The following WDPCP variants were observed in gnomAD, a reference collection of about 807,000 sequenced individuals.
The protein encoded by WDPCP is WD repeat containing planar cell polarity effector, also known as WD repeat-containing and planar cell polarity effector protein fritz homolog.
Under a neutral mutation model 93.1 loss-of-function variants are expected in WDPCP, and 71 were observed. That is an observed-to-expected ratio of 0.76 (90% CI 0.63 to 0.93). The LOEUF is 0.93. Among genes scored for constraint, WDPCP ranks in the 40% least tolerant of loss-of-function variants. WDPCP has a pLI of 0.00. For synonymous variants in WDPCP, 315 were observed against 315.0 expected (o/e 1.00, Z 0.00); for missense variants, 844 against 887.4 (o/e 0.95, Z 0.62).
chr2:63,369,092 G>GA (rs952103590), intron 12 of WDPCP: 1,453 of 184,872 alleles, frequency 7.9e-3, no homozygotes, highest in East Asian at 0.017. Context: ...CTACATAGTA[G>GA]AAAAAAAAAA....
In WDPCP at chr2:63,646,152, T is replaced by C. The variant is rs530156713; in HGVS notation, n.488+4507A>G. Among the ~76,000 whole-genome samples the C allele has an allele frequency of 9.2e-5, 14 of 152,310 alleles. No homozygotes were observed. The South Asian group carries it at 2.9e-3, about 32-fold the overall frequency. On this transcript the variant is annotated intron_variant and non_coding_transcript_variant, in intron 3 of 4. Transcript: ENST00000467687. ...ATATGATCTAGTTTCTTGCTTTTTA[T>C]ATTTTGTGTATTCATTGTATGGTTT...
intron 3 of WDPCP, chr2:63,594,446 A>G: frequency 1.5e-6 from 2 of 1,290,696 alleles, no homozygotes; most frequent in Non-Finnish European, 2.3e-6. Context: ...TTTTTAAGGT[A>G]CAGTAGTACT....
At chr2:63,609,971 T>C (rs1709598338) in intron 3 of WDPCP, among the ~76,000 whole-genome samples, 1 of 152,216 alleles carries the variant, frequency 6.6e-6, no homozygotes, top group Admixed American at 6.5e-5. Flanking sequence ...TTTCACCAAC[T>C]TTGCCTTTGA....
intron 9 of WDPCP, among the ~76,000 whole-genome samples, chr2:63,410,766 T>G (rs901843374): frequency 1.5e-4 from 23 of 152,032 alleles, no homozygotes; most frequent in South Asian, 8.3e-4. Context: ...AAAATAAACT[T>G]TAAAGCAACA....
chr2:63,556,857 C>A (rs2106387678), intron 1 of WDPCP, among the ~76,000 whole-genome samples: 1 of 152,236 alleles, frequency 6.6e-6, no homozygotes, highest in East Asian at 1.9e-4. Flanking sequence ...GATTGGGGGC[C>A]AATATTCAAC....
chr2:63,548,732 C>T (rs542240210), intron 1 of WDPCP, among the ~76,000 whole-genome samples: 1 of 151,634 alleles, frequency 6.6e-6, no homozygotes, highest in Admixed American at 6.6e-5. Flanking sequence ...TGGCCTCAAG[C>T]GATCTTCCAG....
At chr2:63,370,065 A>G (rs561252036) in intron 12 of WDPCP, among the ~76,000 whole-genome samples, 147 of 152,286 alleles carry the variant, frequency 9.7e-4, no homozygotes, top group African/African-American at 3.5e-3. Flanking sequence ...TGTTCATATA[A>G]TGACCATCGA....
chr2:63,626,030 G>A (rs1082363), intron 3 of WDPCP, among the ~76,000 whole-genome samples: 120,217 of 152,056 alleles, frequency 0.79, 47,981 homozygotes, highest in East Asian at 0.98. Flanking sequence ...TAGAAATAAG[G>A]CCATACATCT....
chr2:63,655,752 T>C (rs955207301), intron 2 of WDPCP, among the ~76,000 whole-genome samples: 1 of 152,210 alleles, frequency 6.6e-6, no homozygotes, highest in African/African-American at 2.4e-5. Flanking sequence ...ATACTATATA[T>C]GCTGTTCTAA....
Position 63,599,163 on chromosome 2 carries a change from C to G in WDPCP, n.488+51496G>C, listed in dbSNP as rs1250567976. 3.1e-6 allele frequency: 5 copies of G among 1,612,798 alleles called. No homozygotes were observed. The African/African-American group carries it at 5.3e-5, about 17-fold the overall frequency. On this transcript the variant is annotated intron_variant and non_coding_transcript_variant, in intron 3 of 4. Coordinates refer to the WDPCP transcript ENST00000467687. Reference sequence around the variant, plus strand: ...TGTAACTCTTCAGTGCCTTCCATTCCTCCTAGGTTATTGTTGTGGGTAATC... The same window carrying G: ...TGTAACTCTTCAGTGCCTTCCATTCGTCCTAGGTTATTGTTGTGGGTAATC...
At chr2:63,764,978 G>C (rs1670116025) in intron 2 of WDPCP, among the ~76,000 whole-genome samples, 1 of 152,174 alleles carries the variant, frequency 6.6e-6, no homozygotes, top group Non-Finnish European at 1.5e-5. Flanking sequence ...CCTAAACTAG[G>C]CTAAGGTAGC....
In WDPCP at chr2:63,438,084, AAATT is replaced by A. The variant is rs899132975; in HGVS notation, c.500-534_500-531del. ...ATTATGACCAATATGTACATTACATAAATTAATATCTAATAATGAAAATTAGCAC... is the reference window on the plus strand; with the variant it reads ...ATTATGACCAATATGTACATTACATAAATATCTAATAATGAAAATTAGCAC... On this transcript the variant is annotated intron_variant, in intron 7 of 17. Transcript: ENST00000272321. The A allele has an allele frequency of 4.8e-5, 50 of 1,049,796 alleles. No individual in the cohort carries two copies. In the African/African-American group the frequency reaches 6.6e-4, roughly 14 times the overall value. 65.0% of individuals were successfully genotyped at this position (1,049,796 alleles called of 1,614,324 possible).
At chr2:63,697,978 T>A (rs1489820305) in intron 2 of WDPCP, among the ~76,000 whole-genome samples, 1 of 135,728 alleles carries the variant, frequency 7.4e-6, no homozygotes, top group Non-Finnish European at 1.6e-5. Flanking sequence ...AGATAGAGTC[T>A]CGCTCTGTCG....
At position 63,468,677 on chromosome 2, in the gene WDPCP, G is replaced by A. The variant is rs572750028; in HGVS notation, c.384+15927C>T. Among the ~76,000 whole-genome samples the A allele has an allele frequency of 2.0e-5, 3 of 152,216 alleles. No individual in the cohort carries two copies. In the South Asian group the frequency reaches 6.2e-4, roughly 32 times the overall value. Reference sequence around the variant, plus strand: ...ATAAAGCATCTCCATGATGTCATCAGATACCAGGCACCTACGTTCTATTCC... The same window carrying A: ...ATAAAGCATCTCCATGATGTCATCAAATACCAGGCACCTACGTTCTATTCC... On this transcript the variant is annotated intron_variant, in intron 6 of 17. Coordinates refer to ENST00000272321, the MANE Select transcript of WDPCP (RefSeq NM_015910.7).
intron 6 of WDPCP, chr2:63,442,320 T>C (rs1037610944): frequency 1.1e-4 from 16 of 152,168 alleles, no homozygotes; most frequent in African/African-American, 3.9e-4. Flanking sequence ...TAAATAACTT[T>C]TTACAAAAAA....
intron 2 of WDPCP, among the ~76,000 whole-genome samples, chr2:63,492,502 T>C (rs927201006): frequency 7.2e-5 from 11 of 151,976 alleles, no homozygotes; most frequent in Non-Finnish European, 1.2e-4. Context: ...CAATAAATTT[T>C]ATTATTTATT....
chr2:63,243,705 A>C (rs186708864), intron 14 of WDPCP, among the ~76,000 whole-genome samples: 3 of 152,304 alleles, frequency 2.0e-5, no homozygotes, highest in Non-Finnish European at 4.4e-5. Context: ...CCAAATTCAT[A>C]AAACAAGTAC....
At chr2:63,558,483 C>T (rs568057478) in intron 1 of WDPCP, among the ~76,000 whole-genome samples, 3 of 150,688 alleles carry the variant, frequency 2.0e-5, no homozygotes, top group Non-Finnish European at 3.0e-5. Context: ...GAGCTGAGAC[C>T]GCACCACTGC....
At chr2:63,395,051 G>A (rs1026454421) in intron 10 of WDPCP, among the ~76,000 whole-genome samples, 5 of 151,928 alleles carry the variant, frequency 3.3e-5, no homozygotes, top group Admixed American at 1.3e-4. Context: ...TAAAAAAATT[G>A]TGGTGTATTG....
Sources: allele counts gnomAD v4.1 joint callset (sites outside exome capture counted in the v4.1 genomes callset), GRCh38; gene constraint gnomAD v4.1.1; transcripts MANE v1.5; gene names NCBI Gene and HGNC (gene_info 2026-07-23, HGNC 2026-07-21).